The following CPNE8 variants were observed in gnomAD, a reference collection of about 807,000 sequenced individuals.
CPNE8 encodes copine-8.
Under a neutral mutation model 81.5 loss-of-function variants are expected in CPNE8, and 45 were observed. The observed-to-expected ratio is 0.55, with a 90% CI of 0.44 to 0.71. The LOEUF (loss-of-function observed/expected upper bound fraction) is 0.71. Ranked by LOEUF, CPNE8 falls within the 30% of genes least tolerant of loss-of-function variation. CPNE8 has a pLI of 0.00. For missense variants in CPNE8, 594 were observed against 672.1 expected (o/e 0.88, Z 1.28); for synonymous variants, 252 against 226.3 (o/e 1.11, Z -1.02).
intron 6 of CPNE8, among the ~76,000 whole-genome samples, chr12:38,795,465 A>G (rs990908651): frequency 2.6e-5 from 4 of 152,116 alleles, no homozygotes; most frequent in African/African-American, 9.7e-5. Context: ...TAAGAAGTAG[A>G]AGCAACCCAA....
At chr12:38,723,970 G>A (rs1361035840) in intron 12 of CPNE8, 137 bp from the exon 13 acceptor site, 2 of 554,514 alleles carry the variant, frequency 3.6e-6, no homozygotes, top group Non-Finnish European at 6.4e-6. Context: ...ACATCTGCTA[G>A]GACTGATTGT....
chr12:38,740,849 C>A (rs1204578981), intron 10 of CPNE8, among the ~76,000 whole-genome samples: 1 of 152,078 alleles, frequency 6.6e-6, no homozygotes, highest in Non-Finnish European at 1.5e-5. Flanking sequence ...GTCTAAAATT[C>A]TCTTTTTTTG....
intron 3 of CPNE8, among the ~76,000 whole-genome samples, chr12:38,859,179 T>C (rs1283364927): frequency 6.7e-6 from 1 of 150,170 alleles, no homozygotes; most frequent in Non-Finnish European, 1.5e-5. Context: ...CAAATGAACT[T>C]ATAGGTTAAA....
At chr12:38,814,024 T>C (rs1252493613) in intron 6 of CPNE8, among the ~76,000 whole-genome samples, 7 of 151,980 alleles carry the variant, frequency 4.6e-5, no homozygotes, top group Admixed American at 4.6e-4. Context: ...GAGGGAGTAG[T>C]AGCTGAGTAG....
chr12:38,695,386 G>C, intron 14 of CPNE8, among the ~76,000 whole-genome samples: 1 of 152,194 alleles, frequency 6.6e-6, no homozygotes, highest in African/African-American at 2.4e-5. Context: ...ACCAACTTCC[G>C]GGCTAATGTC....
chr12:38,771,330 C>T lies in CPNE8; in HGVS notation c.472-3592G>A, dbSNP rs537872283. 4.5e-3 allele frequency among the ~76,000 whole-genome samples: 677 copies of T among 149,764 alleles called. 6 individuals carry two copies. The highest frequency in any genetic ancestry group is 0.016 in the African/African-American group (646 of 39,980). On this transcript the variant is annotated intron_variant, in intron 7 of 19. Transcript: ENST00000331366. Reference sequence around the variant, plus strand: ...AAAAAAAAAAATTAGCCAGGTGTGGCGGTGCCTGCCTATGTTCCCAGCTAG... The same window carrying T: ...AAAAAAAAAAATTAGCCAGGTGTGGTGGTGCCTGCCTATGTTCCCAGCTAG...
Position 38,806,824 on chromosome 12 carries a change from C to A in CPNE8, c.407+22555G>T, listed in dbSNP as rs181189368. 6.0e-5 allele frequency among the ~76,000 whole-genome samples: 9 copies of A among 149,814 alleles called. No individual in the cohort carries two copies. The East Asian group carries it at 1.6e-3, about 26-fold the overall frequency. ...GAGGAAGTCAAATTGTCCCTGTTTG[C>A]AGATGACATGCTGGTATATCTAGAA... On this transcript the variant is annotated intron_variant, in intron 6 of 19. Coordinates refer to ENST00000331366, the MANE Select transcript of CPNE8 (RefSeq NM_153634.3).
At chr12:38,806,639 C>T (rs1380379911) in intron 6 of CPNE8, among the ~76,000 whole-genome samples, 36 of 144,930 alleles carry the variant, frequency 2.5e-4, no homozygotes, top group African/African-American at 6.4e-4. Context: ...AACCCACAGC[C>T]AATATCATAC....
In CPNE8 at chr12:38,693,846, C is replaced by A; in HGVS notation, c.962-8G>T. ...TGGGCTGAGCAGGGTTGCCTGATGA[C>A]AGAACACATATTTCAAACATAAGCA... is the stretch of plus-strand genomic sequence containing the variant. On this transcript the variant is annotated splice_polypyrimidine_tract_variant and splice_region_variant and intron_variant, in intron 14 of 19. Transcript: ENST00000331366. 1.3e-6 allele frequency: 2 copies of A among 1,573,904 alleles called. No homozygotes were observed. Among genetic ancestry groups the A allele is most frequent in the South Asian group, 1.2e-5 (1 of 84,182 alleles).
At chr12:38,710,678 A>G (rs899760505) in intron 13 of CPNE8, among the ~76,000 whole-genome samples, 2 of 152,120 alleles carry the variant, frequency 1.3e-5, no homozygotes, top group Admixed American at 1.3e-4. Context: ...CTTTCTTTAT[A>G]TTAACATAAA....
In CPNE8 at chr12:38,653,143, C is replaced by T. The variant is rs1466790261; in HGVS notation, c.*739G>A. 1 of 152,324 alleles carries T rather than the reference C, an allele frequency of 6.6e-6. No individual in the cohort carries two copies. The highest frequency in any genetic ancestry group is 2.4e-5 in the African/African-American group (1 of 41,428). The allele number at this position is 152,324 out of a possible 1,614,324, so 9.4% of individuals were successfully genotyped here. On this transcript the variant is annotated 3_prime_UTR_variant, in exon 20 of 20. Coordinates refer to ENST00000331366, the MANE Select transcript of CPNE8 (RefSeq NM_153634.3). Reference sequence around the variant, plus strand: ...AATGTTTGACTTTTTATAATTTCTACTTAGTGTTACAAAATACAAACCAAC... The same window carrying T: ...AATGTTTGACTTTTTATAATTTCTATTTAGTGTTACAAAATACAAACCAAC...
chr12:38,753,508 G>A (rs751694260), intron 10 of CPNE8, among the ~76,000 whole-genome samples: 3 of 152,106 alleles, frequency 2.0e-5, no homozygotes, highest in Non-Finnish European at 2.9e-5. Context: ...TCTATTTTAA[G>A]TCCTCTCTTC....
intron 6 of CPNE8, among the ~76,000 whole-genome samples, chr12:38,805,820 G>A (rs182997135): frequency 1.2e-3 from 181 of 149,698 alleles, no homozygotes; most frequent in African/African-American, 4.2e-3. Flanking sequence ...CCAGGAGCTG[G>A]TTTTTTGAAA....
intron 7 of CPNE8, among the ~76,000 whole-genome samples, chr12:38,767,971 C>T (rs1447613446): frequency 6.6e-5 from 10 of 152,064 alleles, no homozygotes; most frequent in Admixed American, 6.5e-4. Context: ...AAACTTTTAA[C>T]ATTTTTCCTT....
At chr12:38,786,046 A>G (rs1466678200) in intron 6 of CPNE8, among the ~76,000 whole-genome samples, 2 of 152,210 alleles carry the variant, frequency 1.3e-5, no homozygotes, top group Non-Finnish European at 1.5e-5. Context: ...ATGACAGGTG[A>G]AAGTCCTTAC....
intron 4 of CPNE8, among the ~76,000 whole-genome samples, chr12:38,847,103 G>C (rs761413010): frequency 6.6e-6 from 1 of 151,936 alleles, no homozygotes; most frequent in Admixed American, 6.6e-5. Flanking sequence ...TGGGAGGGGA[G>C]GCAATGCTTT....
In CPNE8 at chr12:38,805,751, G is replaced by A. The variant is rs374953459; in HGVS notation, c.407+23628C>T. On this transcript the variant is annotated intron_variant, in intron 6 of 19. Coordinates refer to ENST00000331366, the MANE Select transcript of CPNE8 (RefSeq NM_153634.3). ...CTAGCAGAAGGCAAGAAATAACTAA[G>A]ATCAGAGCAGAACTGAAGGAAATAG... Among the ~76,000 whole-genome samples, 30 of 142,418 alleles carry A rather than the reference G, an allele frequency of 2.1e-4. 1 individual carries two copies. Among genetic ancestry groups the A allele is most frequent in the Admixed American group, 5.6e-4 (8 of 14,216 alleles). The allele number at this position is 142,418 out of a possible 152,430, so 93.4% of individuals were successfully genotyped here.
chr12:38,743,954 A>G (rs1523119), intron 10 of CPNE8, among the ~76,000 whole-genome samples: 14,828 of 152,240 alleles, frequency 0.097, 927 homozygotes, highest in East Asian at 0.24. Flanking sequence ...ATGAACAACT[A>G]TAAAATTTTC....
chr12:38,881,279 G>C lies in CPNE8; in HGVS notation c.99-6768C>G, dbSNP rs17126737. ...AAAGCCGAAGTCAGCTAGCATCTAA[G>C]ATACCAAGTAATTCTGAAGGATAGG... On this transcript the variant is annotated intron_variant, in intron 1 of 19. Coordinates refer to ENST00000331366, the MANE Select transcript of CPNE8 (RefSeq NM_153634.3). 1.4e-3 allele frequency among the ~76,000 whole-genome samples: 215 copies of C among 151,750 alleles called. 1 individual carries two copies. Among genetic ancestry groups the C allele is most frequent in the African/African-American group, 4.9e-3 (203 of 41,358 alleles).
Sources: allele counts gnomAD v4.1 joint callset (sites outside exome capture counted in the v4.1 genomes callset), GRCh38; gene constraint gnomAD v4.1.1; transcripts MANE v1.5; gene names NCBI Gene and HGNC (gene_info 2026-07-23, HGNC 2026-07-21).